ZNF521: variants seen among roughly 807,000 people sequenced by gnomAD.
ZNF521 encodes the protein zinc finger protein 521.
ZNF521 carries 14 observed loss-of-function variants against 105.5 expected under a neutral mutation model. The observed-to-expected ratio is 0.13, with a 90% CI of 0.09 to 0.21. The LOEUF is 0.21. Ranked by LOEUF, ZNF521 falls within the 10% of genes least tolerant of loss-of-function variation. The pLI is 1.00. For synonymous variants in ZNF521, 635 were observed against 606.0 expected (o/e 1.05, Z -0.70); for missense variants, 1,233 against 1,629.7 (o/e 0.76, Z 4.19).
chr18:25,263,308 T>C (rs1023619813), intron 3 of ZNF521, among the ~76,000 whole-genome samples: 2 of 151,980 alleles, frequency 1.3e-5, no homozygotes, highest in African/African-American at 4.8e-5. Context: ...AGATACAGTA[T>C]CACAGTTACT....
chr18:25,339,057 C>T (rs1236838584), intron 2 of ZNF521, among the ~76,000 whole-genome samples: 1 of 152,120 alleles, frequency 6.6e-6, no homozygotes, highest in East Asian at 1.9e-4. Context: ...AAACCAGGCC[C>T]ACAATTAAAA....
At chr18:25,117,556 T>C (rs192687286) in intron 5 of ZNF521, among the ~76,000 whole-genome samples, 1 of 152,138 alleles carries the variant, frequency 6.6e-6, no homozygotes, top group East Asian at 1.9e-4. Flanking sequence ...AATGAAAACA[T>C]AGGAAATCAC....
In ZNF521 at chr18:25,195,028, A is replaced by T. The variant is rs374602803; in HGVS notation, c.3658+132T>A. The T allele has an allele frequency of 3.4e-4, 179 of 531,124 alleles. 2 individuals are homozygous for T. Among genetic ancestry groups the T allele is most frequent in the East Asian group, 3.3e-3 (77 of 23,240 alleles). 32.9% of individuals were successfully genotyped at this position (531,124 alleles called of 1,614,324 possible). A position where few individuals can be genotyped will look rare whatever the true frequency, so the allele number is the denominator to read the frequency against. ...CTTATCAGGACTAATAACAGAAATT[A>T]AAAAAAAAATCAATCATGCCGAGGA... On this transcript the variant is annotated intron_variant, in intron 5 of 7. Transcript: ENST00000361524.
chr18:25,163,664 G>T (rs1429276682), intron 5 of ZNF521, among the ~76,000 whole-genome samples: 2 of 152,152 alleles, frequency 1.3e-5, no homozygotes, highest in Non-Finnish European at 1.5e-5. Flanking sequence ...AAGGTAAACT[G>T]CCTCTAACCA....
intron 3 of ZNF521, among the ~76,000 whole-genome samples, chr18:25,318,190 C>T (rs1315677181): frequency 6.6e-6 from 1 of 152,064 alleles, no homozygotes; most frequent in Non-Finnish European, 1.5e-5. Context: ...AGACATTATG[C>T]TGAACAAAAG....
intron 5 of ZNF521, among the ~76,000 whole-genome samples, chr18:25,110,877 C>T (rs1256253732): frequency 6.6e-6 from 1 of 151,986 alleles, no homozygotes; most frequent in East Asian, 1.9e-4. Context: ...ATTCTCCTAC[C>T]TCAGCCTACA....
At chr18:25,287,439 A>G (rs183284211) in intron 3 of ZNF521, among the ~76,000 whole-genome samples, 8 of 152,306 alleles carry the variant, frequency 5.3e-5, no homozygotes, top group East Asian at 1.9e-4. Flanking sequence ...GCACTTATAA[A>G]AAACATTATG....
intron 5 of ZNF521, among the ~76,000 whole-genome samples, chr18:25,194,101 C>T (rs2035863443): frequency 1.3e-5 from 2 of 151,740 alleles, no homozygotes; most frequent in Non-Finnish European, 3.0e-5. Context: ...TAGAATATTT[C>T]TAATTAGTAT....
At chr18:25,314,746 G>A (rs893411097) in intron 3 of ZNF521, among the ~76,000 whole-genome samples, 21 of 152,166 alleles carry the variant, frequency 1.4e-4, no homozygotes, top group African/African-American at 4.8e-4. Flanking sequence ...TTTTTTCTGC[G>A]ATTATGCCCA....
intron 3 of ZNF521, among the ~76,000 whole-genome samples, chr18:25,251,584 C>G (rs555224803): frequency 1.3e-5 from 2 of 152,176 alleles, no homozygotes; most frequent in Non-Finnish European, 2.9e-5. Context: ...TGCTCAAACT[C>G]AATCATCCAT....
chr18:25,155,902 C>G (rs969462722), intron 5 of ZNF521, among the ~76,000 whole-genome samples: 1 of 152,110 alleles, frequency 6.6e-6, no homozygotes, highest in Non-Finnish European at 1.5e-5. Context: ...ATTGAATATT[C>G]TCACTTATAT....
chr18:25,288,700 C>A (rs926784224), intron 3 of ZNF521, among the ~76,000 whole-genome samples: 6 of 152,012 alleles, frequency 3.9e-5, no homozygotes, highest in African/African-American at 1.2e-4. Context: ...TTACATGCAG[C>A]CAGTGAAGTA....
At chr18:25,296,815 T>C (rs760564186) in intron 3 of ZNF521, among the ~76,000 whole-genome samples, 1 of 152,142 alleles carries the variant, frequency 6.6e-6, no homozygotes, top group Non-Finnish European at 1.5e-5. Flanking sequence ...TCTCTATATT[T>C]TGCTGTGCTT....
intron 7 of ZNF521, among the ~76,000 whole-genome samples, chr18:25,083,737 A>G (rs1361808054): frequency 5.3e-5 from 7 of 131,732 alleles, no homozygotes; most frequent in Non-Finnish European, 3.2e-5. Context: ...ATGGAATTAT[A>G]TATTTACATA....
chr18:25,247,354 A>G (rs1907803639), intron 3 of ZNF521, among the ~76,000 whole-genome samples: 1 of 152,222 alleles, frequency 6.6e-6, no homozygotes, highest in Admixed American at 6.5e-5. Flanking sequence ...ACCTTAAAGA[A>G]TAAGCAGGAG....
rs530665828 is a variant in ZNF521 at position 25,231,348 on chromosome 18, CAGTT to C, written c.221-3655_221-3652del. 565 of 152,396 alleles carry C rather than the reference CAGTT, an allele frequency of 3.7e-3. 2 individuals are homozygous for C. Among genetic ancestry groups the C allele is most frequent in the Non-Finnish European group, 6.0e-3 (410 of 68,102 alleles). The allele number at this position is 152,396 out of a possible 1,614,324, so 9.4% of individuals were successfully genotyped here. A position where few individuals can be genotyped will look rare whatever the true frequency, so the allele number is the denominator to read the frequency against. The stretch of plus-strand genomic sequence containing the variant: ...TGTTGGAGGAGGACAGCTGGAAACT[CAGTT>C]AGCAGCAGAGTAACACCTGTTCAGG... On this transcript the variant is annotated intron_variant, in intron 3 of 7. Coordinates refer to ENST00000361524, the MANE Select transcript of ZNF521 (RefSeq NM_015461.3).
intron 5 of ZNF521, among the ~76,000 whole-genome samples, chr18:25,174,241 C>T (rs1222560314): frequency 1.3e-5 from 2 of 152,086 alleles, no homozygotes; most frequent in African/African-American, 4.8e-5. Flanking sequence ...AACACTTCTC[C>T]GTGACAGTTT....
In ZNF521 at chr18:25,224,427, A is replaced by C. The variant is rs1217245540; in HGVS notation, c.3491T>G (p.Leu1164Arg). ...CTGTGTGCTGTTGCTGTCTGGCACG[A>C]GCTCTCGGTGGATGGTTTGGATGTG... ...QNHIQTIHRELVPDSNSTQLK... is the reference protein window; with the variant it reads ...QNHIQTIHRERVPDSNSTQLK... The change falls in exon 4 of 8, where the codon CTC (leucine) becomes CGC (arginine). Residue 1164 changes from leucine (L) to arginine (R), a missense_variant. This residue lies in a region of ZNF521 where 614 missense variants were observed against 751.5 expected (regional missense o/e 0.82). Coordinates refer to ENST00000361524, the MANE Select transcript of ZNF521 (RefSeq NM_015461.3). 1 of 1,613,548 alleles carries C rather than the reference A, an allele frequency of 6.2e-7. No individual in the cohort carries two copies. Among genetic ancestry groups the C allele is most frequent in the Non-Finnish European group, 8.5e-7 (1 of 1,179,886 alleles).
At chr18:25,350,827 C>G (rs1203694608) in intron 2 of ZNF521, 80 bp downstream of exon 2, 8 of 1,485,594 alleles carry the variant, frequency 5.4e-6, no homozygotes, top group African/African-American at 2.9e-5. Context: ...ACACGCCTCG[C>G]AGCCACGCAG....
Sources: allele counts gnomAD v4.1 joint callset (sites outside exome capture counted in the v4.1 genomes callset), GRCh38; gene constraint gnomAD v4.1.1; regional missense constraint gnomAD v4.1.1; transcripts MANE v1.5; gene names NCBI Gene and HGNC (gene_info 2026-07-23, HGNC 2026-07-21).